The following GLDC variants were observed in gnomAD, a reference collection of about 807,000 sequenced individuals.
GLDC encodes glycine decarboxylase, also known as glycine dehydrogenase (decarboxylating), mitochondrial.
Under a neutral mutation model 121.3 loss-of-function variants are expected in GLDC, and 104 were observed. That is an observed-to-expected ratio of 0.86 (90% CI 0.73 to 1.01). The LOEUF (loss-of-function observed/expected upper bound fraction) is 1.01, where lower values mean the gene tolerates loss of function less well. Ranked by LOEUF, GLDC falls within the 50% of genes least tolerant of loss-of-function variation. GLDC has a pLI of 0.00. For synonymous variants in GLDC, 546 were observed against 480.6 expected, an observed-to-expected ratio of 1.14 and a Z score of -1.78; for missense variants, 1,429 against 1,306.6, an observed-to-expected ratio of 1.09 and a Z score of -1.44.
At chr9:6,600,933 G>A (rs1199685075) in intron 8 of GLDC, among the ~76,000 whole-genome samples, 1 of 152,148 alleles carries the variant, frequency 6.6e-6, no homozygotes. Context: ...CCAACACTTT[G>A]GGAGGCCGAG....
chr9:6,569,462 G>A (rs1196573390), intron 15 of GLDC: 1 of 151,888 alleles, frequency 6.6e-6, no homozygotes, highest in Admixed American at 6.6e-5. Context: ...GACCAGCCTG[G>A]ATAATATGGT....
At chr9:6,537,556 G>C (rs781016041) in intron 22 of GLDC, among the ~76,000 whole-genome samples, 4 of 152,190 alleles carry the variant, frequency 2.6e-5, no homozygotes, top group Admixed American at 2.0e-4. Flanking sequence ...CAAGGCCAGC[G>C]GATTGCTTAA....
chr9:6,576,200 C>T (rs1422038907), intron 15 of GLDC, among the ~76,000 whole-genome samples: 2 of 152,138 alleles, frequency 1.3e-5, no homozygotes, highest in Non-Finnish European at 2.9e-5. Context: ...CAACAGAAAG[C>T]TATTTCCCAT....
At position 6,589,230 on chromosome 9, in the gene GLDC, C is replaced by T. The variant is rs121964976; in HGVS notation, c.1545G>A (p.Arg515=). 41,877 of 1,609,682 alleles carry T rather than the reference C, an allele frequency of 0.026. 660 individuals carry two copies. The highest frequency in any genetic ancestry group is 0.03 in the Non-Finnish European group (35,008 of 1,176,064). Reference sequence around the variant, plus strand: ...CTTGATGGGTGAGGAACGGGCTGGTCCTCTTGAACACAGACCCTGGAATAC... The same window carrying T: ...CTTGATGGGTGAGGAACGGGCTGGTTCTCTTGAACACAGACCCTGGAATAC... ...CRGIPGSVFK[R]TSPFLTHQVF... Residue 515 remains arginine (R), a synonymous_variant, in exon 12 of 25, where the codon AGG becomes AGA. Coordinates refer to ENST00000321612, the MANE Select transcript of GLDC (RefSeq NM_000170.3).
Position 6,582,915 on chromosome 9 carries a change from G to A in GLDC, c.1850+4226C>T, listed in dbSNP as rs144842449. Among the ~76,000 whole-genome samples, 336 of 151,914 alleles carry A rather than the reference G, an allele frequency of 2.2e-3. 2 individuals are homozygous for A. The highest frequency in any genetic ancestry group is 7.7e-3 in the African/African-American group (318 of 41,430). ...AAATGGGCAAAGGACTTGAATACAC[G>A]TTTCTCCAAAGAAGATGTACAAATG... is the stretch of plus-strand genomic sequence containing the variant. On this transcript the variant is annotated intron_variant, in intron 15 of 24. Transcript: ENST00000321612.
At chr9:6,562,856 C>T (rs768944174) in intron 16 of GLDC, among the ~76,000 whole-genome samples, 28 of 152,124 alleles carry the variant, frequency 1.8e-4, no homozygotes, top group Non-Finnish European at 3.4e-4. Flanking sequence ...CCACCATGCC[C>T]GAGCTAATTA....
At chr9:6,550,654 C>A (rs1817493135) in intron 21 of GLDC, 149 bp downstream of exon 21, 1 of 683,230 alleles carries the variant, frequency 1.5e-6, no homozygotes, top group Admixed American at 2.4e-5. Flanking sequence ...ATAAAATAAA[C>A]CCGAGTTATT....
chr9:6,620,351 C>A, intron 2 of GLDC, 32 bp from the exon 3 acceptor site: 1 of 1,593,550 alleles, frequency 6.3e-7, no homozygotes, highest in Middle Eastern at 1.7e-4. Context: ...ATGTTACAGA[C>A]AGATGTCTCA....
At chr9:6,577,405 G>A (rs549792073) in intron 15 of GLDC, among the ~76,000 whole-genome samples, 23 of 152,328 alleles carry the variant, frequency 1.5e-4, no homozygotes, top group Non-Finnish European at 2.8e-4. Context: ...AAGCTTCAAA[G>A]CCAACCTTAT....
At chr9:6,604,512 A>G (rs1449284873) in intron 7 of GLDC, 76 bp downstream of exon 7, 4 of 1,327,468 alleles carry the variant, frequency 3.0e-6, no homozygotes, top group Non-Finnish European at 4.3e-6. Context: ...ATTCAGATAG[A>G]AATCAACATT....
intron 14 of GLDC, among the ~76,000 whole-genome samples, chr9:6,587,668 A>G (rs936613772): frequency 4.6e-5 from 7 of 152,196 alleles, no homozygotes; most frequent in African/African-American, 1.4e-4. Context: ...AACAAACACA[A>G]AAGTAAATGG....
intron 15 of GLDC, among the ~76,000 whole-genome samples, chr9:6,580,861 T>C (rs2129810429): frequency 1.3e-5 from 2 of 152,318 alleles, no homozygotes; most frequent in Middle Eastern, 3.4e-3. Context: ...AATCTAGTTA[T>C]ATAATACTTA....
intron 11 of GLDC, among the ~76,000 whole-genome samples, chr9:6,590,334 G>C (rs1818351653): frequency 6.6e-6 from 1 of 151,964 alleles, no homozygotes; most frequent in Admixed American, 6.6e-5. Flanking sequence ...CTCATTCCTT[G>C]CCAGGCTAAT....
intron 3 of GLDC, among the ~76,000 whole-genome samples, chr9:6,614,363 T>C (rs1394215288): frequency 6.6e-6 from 1 of 151,752 alleles, no homozygotes; most frequent in Non-Finnish European, 1.5e-5. Context: ...ACCTCCCGAG[T>C]GGCTGGGACT....
chr9:6,595,677 G>A (rs550422944), intron 8 of GLDC, among the ~76,000 whole-genome samples: 6 of 152,308 alleles, frequency 3.9e-5, no homozygotes, highest in African/African-American at 7.2e-5. Flanking sequence ...ACGGCAATGC[G>A]CACTTCAGCT....
chr9:6,542,989 G>A (rs986939908), intron 21 of GLDC, among the ~76,000 whole-genome samples: 2 of 151,648 alleles, frequency 1.3e-5, no homozygotes, highest in African/African-American at 4.8e-5. Context: ...ATGTTCAAGG[G>A]GAAAATCATT....
At chr9:6,638,464 C>T (rs141569123) in intron 2 of GLDC, among the ~76,000 whole-genome samples, 7,595 of 152,160 alleles carry the variant, frequency 0.05, 259 homozygotes, top group Non-Finnish European at 0.075. Context: ...ATCCACCCGC[C>T]TCGCCCTCCC....
intron 2 of GLDC, among the ~76,000 whole-genome samples, chr9:6,639,880 C>G (rs952576379): frequency 6.6e-6 from 1 of 152,070 alleles, no homozygotes; most frequent in Non-Finnish European, 1.5e-5. Flanking sequence ...TAGTGACAAT[C>G]CAGGAAACCG....
intron 15 of GLDC, among the ~76,000 whole-genome samples, chr9:6,584,356 C>G (rs1587943913): frequency 6.6e-6 from 1 of 152,284 alleles, no homozygotes; most frequent in Non-Finnish European, 1.5e-5. Flanking sequence ...ACCTGTGTTT[C>G]TTCTTACAAA....
Sources: gnomAD v4.1 joint callset for allele counts (sites outside exome capture counted in the v4.1 genomes callset) on GRCh38, gnomAD v4.1.1 for gene constraint, MANE v1.5 for transcripts, NCBI Gene and HGNC (gene_info 2026-07-23, HGNC 2026-07-21) for gene names.